ATR: variants seen among roughly 807,000 people sequenced by gnomAD.
The protein encoded by ATR is ATR checkpoint kinase.
A neutral mutation model predicts 305.3 loss-of-function variants in ATR; 142 were observed. That is an observed-to-expected ratio of 0.47 (90% CI 0.41 to 0.53). ATR has a LOEUF of 0.53. Ranked by LOEUF, ATR falls within the 20% of genes least tolerant of loss-of-function variation. ATR has a pLI of 0.00. For missense variants in ATR, 2,135 were observed against 3,133.1 expected (o/e 0.68, Z 7.60); for synonymous variants, 1,050 against 1,068.1 (o/e 0.98, Z 0.33).
At chr3:142,487,005 G>A (rs981322616) in intron 35 of ATR, among the ~76,000 whole-genome samples, 2 of 149,944 alleles carry the variant, frequency 1.3e-5, no homozygotes, top group South Asian at 2.1e-4. Flanking sequence ...GGTGGCAGGC[G>A]CCTGTAGTCC....
chr3:142,542,892 T>C (rs1559979038), intron 16 of ATR, 135 bp from the exon 17 acceptor site: 2 of 735,696 alleles, frequency 2.7e-6, no homozygotes, highest in African/African-American at 3.6e-5. Flanking sequence ...ACTTGGTTAA[T>C]TAAGTTTCTC....
At chr3:142,519,565 G>T in intron 24 of ATR, 104 bp downstream of exon 24, 1 of 883,124 alleles carries the variant, frequency 1.1e-6, no homozygotes, top group South Asian at 1.5e-5. Context: ...CTCCCAAAGT[G>T]CTGGGATTAC....
At chr3:142,455,904 T>A (rs1239438664) in intron 45 of ATR, among the ~76,000 whole-genome samples, 1 of 152,134 alleles carries the variant, frequency 6.6e-6, no homozygotes, top group East Asian at 1.9e-4. Flanking sequence ...GCATCAAAAT[T>A]TAAAACTTTT....
intron 1 of ATR, among the ~76,000 whole-genome samples, chr3:142,569,341 G>A (rs941183272): frequency 3.3e-5 from 5 of 151,720 alleles, no homozygotes; most frequent in Non-Finnish European, 5.9e-5. Flanking sequence ...CCCTTTTGGC[G>A]ACAGGGTCTA....
chr3:142,490,208 G>A (rs1045968636), intron 35 of ATR, among the ~76,000 whole-genome samples: 19 of 152,092 alleles, frequency 1.2e-4, no homozygotes, highest in African/African-American at 4.3e-4. Flanking sequence ...ATAGGCATTC[G>A]TCACCATACC....
At chr3:142,488,859 A>G (rs2031111025) in intron 35 of ATR, among the ~76,000 whole-genome samples, 1 of 152,226 alleles carries the variant, frequency 6.6e-6, no homozygotes, top group African/African-American at 2.4e-5. Flanking sequence ...GTCAGTTTGT[A>G]GAGAAATAAT....
intron 1 of ATR, among the ~76,000 whole-genome samples, chr3:142,577,556 C>T (rs1244231351): frequency 6.6e-6 from 1 of 152,194 alleles, no homozygotes; most frequent in African/African-American, 2.4e-5. Context: ...AGAATGGTCC[C>T]TTCATTTATC....
At position 142,515,747 on chromosome 3, in the gene ATR, C is replaced by A. The variant is rs9855919; in HGVS notation, c.4383-232G>T. Among the ~76,000 whole-genome samples, 95,695 of 151,914 alleles carry A rather than the reference C, an allele frequency of 0.63. 31,065 individuals are homozygous for A. Among genetic ancestry groups the A allele is most frequent in the African/African-American group, 0.79 (32,870 of 41,442 alleles). ...CTCTTCCTCAGATCCTTCCAACTCT[C>A]TTCTTATATAAGAAAAACCTGTTCC... On this transcript the variant is annotated intron_variant, in intron 24 of 46. Coordinates refer to ENST00000350721, the MANE Select transcript of ATR (RefSeq NM_001184.4).
chr3:142,535,197 A>C lies in ATR; in HGVS notation c.3828T>G (p.Ser1276=). 1 of 1,613,172 alleles carries C rather than the reference A, an allele frequency of 6.2e-7. No individual in the cohort carries two copies. The highest frequency in any genetic ancestry group is 8.5e-7 in the Non-Finnish European group (1 of 1,179,378). Residue 1276 remains serine, a synonymous_variant, in exon 21 of 47, where the codon TCT becomes TCG. Coordinates refer to ENST00000350721, the MANE Select transcript of ATR (RefSeq NM_001184.4). ...GAGTTGTCTGAAGATCAGTGCTCTC[A>C]GAGGTCTCCTATATACAAAGCACAG... is the stretch of plus-strand genomic sequence containing the variant. The part of the protein sequence containing the change: ...AVLQEYRKET[S]ESTDLQTTLQ...
intron 36 of ATR, chr3:142,472,222 A>G (rs1033854293): frequency 2.0e-5 from 3 of 152,124 alleles, no homozygotes; most frequent in African/African-American, 7.2e-5. Context: ...AGATGCTGCA[A>G]TGAACATGGG....
intron 1 of ATR, among the ~76,000 whole-genome samples, chr3:142,573,933 T>C (rs901625070): frequency 8.5e-5 from 13 of 152,190 alleles, no homozygotes; most frequent in African/African-American, 3.1e-4. Flanking sequence ...GTAACATGAA[T>C]TGTTTTAGAC....
intron 26 of ATR, among the ~76,000 whole-genome samples, chr3:142,512,987 T>C (rs1233019648): frequency 2.0e-5 from 3 of 152,128 alleles, no homozygotes; most frequent in Non-Finnish European, 4.4e-5. Flanking sequence ...AATTTTAAAA[T>C]ATTCTAGATT....
chr3:142,549,994 T>C, intron 14 of ATR, 138 bp downstream of exon 14: 1 of 1,167,464 alleles, frequency 8.6e-7, no homozygotes. Context: ...CAGCTAACCA[T>C]AAAGAACAAT....
At chr3:142,561,146 G>C (rs1380933083) in intron 5 of ATR, 97 bp downstream of exon 5, 1 of 1,318,952 alleles carries the variant, frequency 7.6e-7, no homozygotes, top group African/African-American at 1.5e-5. Flanking sequence ...GATGTTCTTT[G>C]TGTATTTAAA....
rs980053932 is a variant in ATR, at chr3:142,452,967, T to C, written c.7761+161A>G. The C allele has an allele frequency of 1.5e-5, 23 of 1,491,902 alleles. No individual in the cohort carries two copies. In the Middle Eastern group the frequency reaches 5.3e-4, roughly 35 times the overall value. The allele number at this position is 1,491,902 out of a possible 1,614,324, so 92.4% of individuals were successfully genotyped here. ...CATTACTGACAATAAAGAAAACTTA[T>C]GGCATTGTGATACTAGAGAACTAGA... On this transcript the variant is annotated intron_variant, in intron 46 of 46. Transcript: ENST00000350721.
Position 142,485,284 on chromosome 3 carries a change from T to C in ATR, c.6079-2A>G, listed in dbSNP as rs2108311768. On this transcript the variant is annotated splice_acceptor_variant, in intron 35 of 46. Coordinates refer to ENST00000350721, the MANE Select transcript of ATR (RefSeq NM_001184.4). LOFTEE classifies it high-confidence loss of function. ...TTCTGGCAGGCACGCGGTCACATCC[T>C]ATAAAAAAGAACATAGGATACCTAC... The C allele has an allele frequency of 1.2e-6, 2 of 1,614,030 alleles. No homozygotes were observed. The highest frequency in any genetic ancestry group is 1.7e-6 in the Non-Finnish European group (2 of 1,179,938).
At chr3:142,483,874 A>AAT (rs35084597) in intron 36 of ATR, among the ~76,000 whole-genome samples, 6,390 of 149,490 alleles carry the variant, frequency 0.043, 252 homozygotes, top group African/African-American at 0.1. Flanking sequence ...AATAAAATAA[A>AAT]ATATATATAT....
Position 142,561,238 on chromosome 3 carries a change from C to A in ATR, c.1349+5G>T. 6.2e-7 allele frequency: 1 copy of A among 1,612,946 alleles called. No individual in the cohort carries two copies. The highest frequency in any genetic ancestry group is 1.3e-5 in the African/African-American group (1 of 75,002). On this transcript the variant is annotated splice_donor_5th_base_variant and intron_variant, in intron 5 of 46. Coordinates refer to ENST00000350721, the MANE Select transcript of ATR (RefSeq NM_001184.4). ...TAAATACAAACTGAATGAAGGTCAT[C>A]ATACTCCTCAGTCTGTTTTGGTGCT...
intron 36 of ATR, among the ~76,000 whole-genome samples, chr3:142,477,303 G>T (rs557799722): frequency 6.6e-6 from 1 of 152,104 alleles, no homozygotes; most frequent in African/African-American, 2.4e-5. Context: ...TAGCATGAAG[G>T]GCTGTTGAAT....
Sources: gnomAD v4.1 joint callset for allele counts (sites outside exome capture counted in the v4.1 genomes callset) on GRCh38, gnomAD v4.1.1 for gene constraint, MANE v1.5 for transcripts, NCBI Gene and HGNC (gene_info 2026-07-23, HGNC 2026-07-21) for gene names.